The following GTF3C1 variants were observed in gnomAD, a reference collection of about 807,000 sequenced individuals.
The protein encoded by GTF3C1 is general transcription factor IIIC subunit 1.
In GTF3C1, 57 loss-of-function variants were observed where a neutral mutation model predicts 226.7. The observed-to-expected ratio is 0.25, with a 90% CI of 0.20 to 0.31. The LOEUF (loss-of-function observed/expected upper bound fraction) is 0.31, where lower values mean the gene tolerates loss of function less well. Among genes scored for constraint, GTF3C1 ranks in the 10% least tolerant of loss-of-function variants. The pLI, the probability that GTF3C1 is intolerant of heterozygous loss-of-function variation, is 1.00. For synonymous variants in GTF3C1, 1,090 were observed against 1,084.8 expected (o/e 1.00, Z -0.09); for missense variants, 2,217 against 2,776.1 (o/e 0.80, Z 4.53).
intron 1 of GTF3C1, among the ~76,000 whole-genome samples, chr16:27,548,642 C>G (rs922967212): frequency 2.0e-5 from 3 of 152,178 alleles, no homozygotes; most frequent in African/African-American, 7.2e-5. Flanking sequence ...CTGAAAATAG[C>G]CTGGGTTCAA....
intron 2 of GTF3C1, among the ~76,000 whole-genome samples, chr16:27,543,676 C>T (rs2089122036): frequency 6.6e-6 from 1 of 152,152 alleles, no homozygotes; most frequent in Non-Finnish European, 1.5e-5. Flanking sequence ...TGGATTACTG[C>T]TTAGCCCACC....
chr16:27,471,099 A>G lies in GTF3C1; in HGVS notation c.4526+649T>C, dbSNP rs532190562. On this transcript the variant is annotated intron_variant, in intron 30 of 36. Coordinates refer to ENST00000356183, the MANE Select transcript of GTF3C1 (RefSeq NM_001520.4). The surrounding 1 kb of genome is among the most constrained non-coding windows in gnomAD (Gnocchi z 5.0). ...GAAGGGATGGGATCAAAGAACCAAAAGAAGATTCATGGTGCTGTCTCTGAG... is the reference window on the plus strand; with the variant it reads ...GAAGGGATGGGATCAAAGAACCAAAGGAAGATTCATGGTGCTGTCTCTGAG... 6.6e-6 allele frequency among the ~76,000 whole-genome samples: 1 copy of G among 152,334 alleles called. No homozygotes were observed. The highest frequency in any genetic ancestry group is 1.9e-4 in the East Asian group (1 of 5,178).
rs557728638 is a variant in GTF3C1, at chr16:27,508,883, T to G, written c.1127-228A>C. 2.6e-5 allele frequency among the ~76,000 whole-genome samples: 4 copies of G among 152,270 alleles called. No homozygotes were observed. The East Asian group carries it at 7.7e-4, about 29-fold the overall frequency. On this transcript the variant is annotated intron_variant, in intron 7 of 36. Transcript: ENST00000356183. Reference sequence around the variant, plus strand: ...TACTAACAGCTAATGTTTGAATGCTTACTATCTCATGGCCCCACGTTAAAA... The same window carrying G: ...TACTAACAGCTAATGTTTGAATGCTGACTATCTCATGGCCCCACGTTAAAA...
intron 6 of GTF3C1, among the ~76,000 whole-genome samples, chr16:27,523,154 C>T (rs2088776818): frequency 6.6e-6 from 1 of 152,206 alleles, no homozygotes; most frequent in Non-Finnish European, 1.5e-5. Flanking sequence ...GCTGAGTTAA[C>T]TTCTACTTCT....
intron 4 of GTF3C1, 115 bp downstream of exon 4, chr16:27,537,669 A>G (rs1000871676): frequency 9.9e-6 from 7 of 710,418 alleles, no homozygotes; most frequent in Admixed American, 7.9e-5. Context: ...CAGCCTCCCA[A>G]AGGGCTATGA....
intron 6 of GTF3C1, among the ~76,000 whole-genome samples, chr16:27,514,874 CT>C (rs1221326006): frequency 6.6e-6 from 1 of 152,220 alleles, no homozygotes; most frequent in African/African-American, 2.4e-5. Flanking sequence ...CAAAACGTCC[CT>C]GTGACTGAGA....
intron 29 of GTF3C1, among the ~76,000 whole-genome samples, chr16:27,476,005 G>A (rs907401802): frequency 6.6e-6 from 1 of 152,182 alleles, no homozygotes; most frequent in Non-Finnish European, 1.5e-5. Context: ...TAAAGAGAGA[G>A]ATGAGGAAAG....
chr16:27,514,730 T>C (rs2088630250), intron 6 of GTF3C1, among the ~76,000 whole-genome samples: 1 of 152,172 alleles, frequency 6.6e-6, no homozygotes, highest in African/African-American at 2.4e-5. Context: ...ATCATTCCAG[T>C]CCCACATGAG....
intron 23 of GTF3C1, among the ~76,000 whole-genome samples, chr16:27,487,602 T>C (rs1185325608): frequency 2.0e-5 from 3 of 152,180 alleles, no homozygotes; most frequent in South Asian, 2.1e-4. Context: ...CAGACCAGCC[T>C]GGACAATATG....
chr16:27,489,592 G>A lies in GTF3C1; in HGVS notation c.3293+10C>T, dbSNP rs538733793. The A allele has an allele frequency of 2.6e-5, 42 of 1,599,342 alleles. No individual in the cohort carries two copies. In the Admixed American group the frequency reaches 2.7e-4, roughly 10 times the overall value. On this transcript the variant is annotated intron_variant, in intron 20 of 36. Coordinates refer to ENST00000356183, the MANE Select transcript of GTF3C1 (RefSeq NM_001520.4). ...AGTCCTGGCCGGCCGCGCTTGGGAC[G>A]GACACGCACGTGGTGTACTCCAGCA...
At chr16:27,485,941 C>T in intron 24 of GTF3C1, 56 bp downstream of exon 24, 1 of 1,275,264 alleles carries the variant, frequency 7.8e-7, no homozygotes, top group Non-Finnish European at 1.1e-6. Flanking sequence ...AAGGCTCAGA[C>T]AGGAAGGAGC....
intron 6 of GTF3C1, among the ~76,000 whole-genome samples, chr16:27,512,980 A>T (rs1451823509): frequency 6.6e-6 from 1 of 152,220 alleles, no homozygotes; most frequent in Non-Finnish European, 1.5e-5. Flanking sequence ...CCCTGTAAAG[A>T]TGTTCACGTC....
chr16:27,497,797 C>T lies in GTF3C1; in HGVS notation c.2190G>A (p.Val730=). The part of the protein sequence containing the change: ...ANRVKTSQPP[V]PQGEAEEDSQ... ...TGTCTTCTTCTGCCTCCCCTTGGGGCACTGGAGGCTGGGAAGTTTTAACCC... is the reference window on the plus strand; with the variant it reads ...TGTCTTCTTCTGCCTCCCCTTGGGGTACTGGAGGCTGGGAAGTTTTAACCC... The change falls in exon 14 of 37, where the codon GTG becomes GTA. Residue 730 remains valine, a synonymous_variant. Coordinates refer to ENST00000356183, the MANE Select transcript of GTF3C1 (RefSeq NM_001520.4). 1 of 1,613,102 alleles carries T rather than the reference C, an allele frequency of 6.2e-7. No individual in the cohort carries two copies. Among genetic ancestry groups the T allele is most frequent in the Non-Finnish European group, 8.5e-7 (1 of 1,179,656 alleles).
intron 6 of GTF3C1, among the ~76,000 whole-genome samples, chr16:27,520,356 C>A (rs1296601351): frequency 6.6e-6 from 1 of 152,094 alleles, no homozygotes; most frequent in Non-Finnish European, 1.5e-5. Flanking sequence ...CTCAAATGAT[C>A]CACCTGCCTC....
Position 27,461,604 on chromosome 16 carries a change from G to T in GTF3C1, c.6118-42C>A, listed in dbSNP as rs372277517. On this transcript the variant is annotated intron_variant, in intron 36 of 36. Coordinates refer to ENST00000356183, the MANE Select transcript of GTF3C1 (RefSeq NM_001520.4). This position sits in a 1 kb window ranked among gnomAD's most constrained non-coding sequence, Gnocchi z 5.3. ...CACAGGTTACAGCGGCACTGCCCTC[G>T]CCTGCTTGTTGATTTATTCTTCAAG... The T allele has an allele frequency of 1.4e-6, 2 of 1,408,274 alleles. No individual in the cohort carries two copies. The highest frequency in any genetic ancestry group is 1.0e-6 in the Non-Finnish European group (1 of 997,924). 87.2% of individuals were successfully genotyped at this position (1,408,274 alleles called of 1,614,324 possible). A position where few individuals can be genotyped will look rare whatever the true frequency, so the allele number is the denominator to read the frequency against.
chr16:27,498,095 C>T (rs927217971), intron 13 of GTF3C1, among the ~76,000 whole-genome samples: 2 of 152,194 alleles, frequency 1.3e-5, no homozygotes, highest in African/African-American at 2.4e-5. Context: ...CAGACATGTG[C>T]ATCAACGCTA....
At position 27,488,605 on chromosome 16, in the gene GTF3C1, CTG is replaced by C; in HGVS notation, c.3458_3459del (p.Thr1153SerfsTer43). On this transcript the variant is annotated frameshift_variant, in exon 22 of 37. Coordinates refer to ENST00000356183, the MANE Select transcript of GTF3C1 (RefSeq NM_001520.4). LOFTEE classifies it high-confidence loss of function. ...KENTAAENGL[T>X]VRLQTFLSKR... is the part of the protein sequence containing the mutation. ...TTGGACAGAAATGTCTGGAGCCTCACTGTGAGTCCATTCTCTGCGGCAGTGTT... is the reference window on the plus strand; with the variant it reads ...TTGGACAGAAATGTCTGGAGCCTCACTGAGTCCATTCTCTGCGGCAGTGTT... The C allele has an allele frequency of 1.9e-6, 3 of 1,613,800 alleles. No individual in the cohort carries two copies. The highest frequency in any genetic ancestry group is 2.5e-6 in the Non-Finnish European group (3 of 1,179,948).
intron 7 of GTF3C1, among the ~76,000 whole-genome samples, chr16:27,509,460 G>A (rs1478186178): frequency 6.6e-6 from 1 of 152,158 alleles, no homozygotes; most frequent in Non-Finnish European, 1.5e-5. Flanking sequence ...TGACTTTTCA[G>A]AAGTATCTTC....
At chr16:27,481,636 T>C (rs1456462656) in intron 26 of GTF3C1, among the ~76,000 whole-genome samples, 2 of 152,152 alleles carry the variant, frequency 1.3e-5, no homozygotes, top group Admixed American at 6.5e-5. Context: ...CTCCTCTATA[T>C]GCGCACTGCA....
Sources: allele counts gnomAD v4.1 joint callset (sites outside exome capture counted in the v4.1 genomes callset), GRCh38; gene constraint gnomAD v4.1.1; non-coding constraint Gnocchi (gnomAD v3.1); transcripts MANE v1.5; gene names NCBI Gene and HGNC (gene_info 2026-07-23, HGNC 2026-07-21).